Variants in ETV6 observed in about 807,000 individuals in gnomAD.
ETV6 encodes the protein ETS variant transcription factor 6.
Under a neutral mutation model 51.1 loss-of-function variants are expected in ETV6, and 16 were observed. That is an observed-to-expected ratio of 0.31 (90% CI 0.21 to 0.48). The LOEUF (loss-of-function observed/expected upper bound fraction) is 0.48, where lower values mean the gene tolerates loss of function less well. Among genes scored for constraint, ETV6 ranks in the 20% least tolerant of loss-of-function variants. The pLI, the probability that ETV6 is intolerant of heterozygous loss-of-function variation, is 0.99. For missense variants in ETV6, 458 were observed against 594.8 expected, an observed-to-expected ratio of 0.77 and a Z score of 2.39; for synonymous variants, 240 against 224.1, an observed-to-expected ratio of 1.07 and a Z score of -0.64.
chr12:11,869,475 A>G lies in ETV6; in HGVS notation c.515A>G (p.Asn172Ser). ...CCATCCGTGGATAATGTGCACCATA[A>G]CCCTCCCACCATTGAACTGTTGCAC... ...PRPSVDNVHH[N>S]PPTIELLHRS... is the part of the protein sequence containing the mutation. Residue 172 changes from asparagine (N) to serine (S), a missense_variant, in exon 5 of 8, where the codon AAC becomes AGC. Asn to Ser is a conservative substitution (Grantham distance 46). Around this residue, in one of 4 missense-constraint regions of ETV6, gnomAD observed 293 missense variants for 315.7 expected, o/e 0.93. Coordinates refer to ENST00000396373, the MANE Select transcript of ETV6 (RefSeq NM_001987.5). The surrounding 1 kb of genome is among the most constrained non-coding windows in gnomAD (Gnocchi z 5.0). 6.2e-7 allele frequency: 1 copy of G among 1,613,810 alleles called. No individual in the cohort carries two copies. The highest frequency in any genetic ancestry group is 8.5e-7 in the Non-Finnish European group (1 of 1,179,932).
chr12:11,757,835 T>G (rs1945029502), intron 2 of ETV6, among the ~76,000 whole-genome samples: 1 of 152,238 alleles, frequency 6.6e-6, no homozygotes, highest in African/African-American at 2.4e-5. Flanking sequence ...GCAGACTGGC[T>G]TCTCCCTCGT....
At chr12:11,709,915 CTG>C (rs1476187670) in intron 1 of ETV6, among the ~76,000 whole-genome samples, 1 of 152,112 alleles carries the variant, frequency 6.6e-6, no homozygotes, top group South Asian at 2.1e-4. Context: ...AAATAAATAT[CTG>C]TGTGTGTGTA....
At chr12:11,880,975 A>G (rs1453324741) in intron 5 of ETV6, among the ~76,000 whole-genome samples, 2 of 152,088 alleles carry the variant, frequency 1.3e-5, no homozygotes, top group African/African-American at 4.8e-5. Flanking sequence ...CTGTCACTCT[A>G]TCGCCCAGGC....
At chr12:11,773,291 G>T (rs1306423202) in intron 2 of ETV6, among the ~76,000 whole-genome samples, 1 of 149,750 alleles carries the variant, frequency 6.7e-6, no homozygotes, top group East Asian at 1.9e-4. Flanking sequence ...TTTTAATTCA[G>T]CAAGAGCTCA....
At position 11,869,920 on chromosome 12, in the gene ETV6, C is replaced by G; in HGVS notation, c.960C>G (p.Val320=). The G allele has an allele frequency of 6.2e-7, 1 of 1,611,398 alleles. No homozygotes were observed. Among genetic ancestry groups the G allele is most frequent in the Non-Finnish European group, 8.5e-7 (1 of 1,179,978 alleles). ...EDLAYMNHIM[V]SVSPPEEHAM... is the part of the protein sequence containing the mutation. ...TGGCTTACATGAACCACATCATGGTCTCTGTCTCCCCGCCTGAAGAGCACG... is the reference window on the plus strand; with the variant it reads ...TGGCTTACATGAACCACATCATGGTGTCTGTCTCCCCGCCTGAAGAGCACG... The change falls in exon 5 of 8, where the codon GTC becomes GTG. Residue 320 remains valine (V), a synonymous_variant. Transcript: ENST00000396373. The surrounding 1 kb of genome is among the most constrained non-coding windows in gnomAD (Gnocchi z 5.0).
intron 2 of ETV6, among the ~76,000 whole-genome samples, chr12:11,794,762 G>C (rs1369496705): frequency 6.6e-6 from 1 of 152,182 alleles, no homozygotes. Flanking sequence ...TATTTTACTT[G>C]GTGGTTCCCA....
intron 2 of ETV6, among the ~76,000 whole-genome samples, chr12:11,810,954 A>G (rs905798348): frequency 6.6e-6 from 1 of 151,734 alleles, no homozygotes; most frequent in Non-Finnish European, 1.5e-5. Flanking sequence ...TTTTTTTTTT[A>G]AACACCTCCA....
intron 1 of ETV6, chr12:11,750,827 A>G (rs757241242): frequency 1.3e-5 from 4 of 299,838 alleles, no homozygotes; most frequent in African/African-American, 8.7e-5. Context: ...TGCTTTTTTC[A>G]TCCCAAACCA....
chr12:11,810,563 C>T (rs1945898658), intron 2 of ETV6, among the ~76,000 whole-genome samples: 1 of 152,130 alleles, frequency 6.6e-6, no homozygotes, highest in Non-Finnish European at 1.5e-5. Context: ...AGAAACCACA[C>T]TGAAATAAAA....
intron 1 of ETV6, among the ~76,000 whole-genome samples, chr12:11,662,109 A>G (rs1053505710): frequency 6.6e-6 from 1 of 152,196 alleles, no homozygotes; most frequent in Non-Finnish European, 1.5e-5. Context: ...CACCCTTCCC[A>G]ACACTTTATC....
chr12:11,670,836 A>G (rs968395520), intron 1 of ETV6, among the ~76,000 whole-genome samples: 1 of 152,258 alleles, frequency 6.6e-6, no homozygotes, highest in Non-Finnish European at 1.5e-5. Flanking sequence ...TTCAGTAAGT[A>G]CTACACTTTG....
intron 2 of ETV6, among the ~76,000 whole-genome samples, chr12:11,779,879 A>G (rs995056804): frequency 6.6e-6 from 1 of 152,244 alleles, no homozygotes; most frequent in Non-Finnish European, 1.5e-5. Context: ...GTAACCATTC[A>G]TTCCCTTCTG....
At chr12:11,668,114 G>A (rs1388975965) in intron 1 of ETV6, among the ~76,000 whole-genome samples, 1 of 152,192 alleles carries the variant, frequency 6.6e-6, no homozygotes, top group Non-Finnish European at 1.5e-5. Context: ...GATCACAGGT[G>A]TGAACCGCCA....
intron 7 of ETV6, among the ~76,000 whole-genome samples, chr12:11,890,684 C>G (rs536265319): frequency 6.6e-6 from 1 of 152,182 alleles, no homozygotes; most frequent in South Asian, 2.1e-4. Context: ...CTTGGCCTCC[C>G]AAAGCACTAG....
intron 1 of ETV6, among the ~76,000 whole-genome samples, chr12:11,721,586 C>T (rs1469463782): frequency 6.6e-6 from 1 of 151,984 alleles, no homozygotes; most frequent in Non-Finnish European, 1.5e-5. Context: ...GAGGGAGGAG[C>T]GGGAGGGGGT....
chr12:11,700,778 T>C (rs57474583), intron 1 of ETV6, among the ~76,000 whole-genome samples: 1,616 of 152,222 alleles, frequency 0.011, 25 homozygotes, highest in African/African-American at 0.037. Flanking sequence ...GGTCTTGCTG[T>C]CTCAGGGTGG....
At chr12:11,698,280 A>C (rs1864916363) in intron 1 of ETV6, among the ~76,000 whole-genome samples, 1 of 152,226 alleles carries the variant, frequency 6.6e-6, no homozygotes, top group African/African-American at 2.4e-5. Context: ...CTATTGCTGC[A>C]TAACAAACTG....
intron 4 of ETV6, among the ~76,000 whole-genome samples, chr12:11,862,720 C>T (rs1946734239): frequency 6.6e-6 from 1 of 152,214 alleles, no homozygotes; most frequent in Admixed American, 6.5e-5. Context: ...TAACTAATTA[C>T]ATCTGCAAGG....
intron 2 of ETV6, among the ~76,000 whole-genome samples, chr12:11,795,202 T>C (rs1945657803): frequency 6.6e-6 from 1 of 152,210 alleles, no homozygotes; most frequent in Admixed American, 6.5e-5. Flanking sequence ...TTTATAAAAA[T>C]AAAGCAGGAA....
Sources: allele counts gnomAD v4.1 joint callset (sites outside exome capture counted in the v4.1 genomes callset), GRCh38; gene constraint gnomAD v4.1.1; regional missense constraint gnomAD v4.1.1; non-coding constraint Gnocchi (gnomAD v3.1); transcripts MANE v1.5; gene names NCBI Gene and HGNC (gene_info 2026-07-23, HGNC 2026-07-21).